EFCC1: variants seen among roughly 807,000 people sequenced by gnomAD.
EFCC1 encodes the protein EF-hand and coiled-coil domain containing 1.
Under a neutral mutation model 52.1 loss-of-function variants are expected in EFCC1, and 50 were observed. The ratio of observed to expected loss-of-function variants is 0.96; its 90% CI spans 0.76 to 1.21. The LOEUF (loss-of-function observed/expected upper bound fraction) is 1.21, where lower values mean the gene tolerates loss of function less well. Among genes scored for constraint, EFCC1 ranks in the 50% most tolerant of loss-of-function variants. The probability of loss-of-function intolerance (pLI) is 0.00; values close to 1 mark genes in which losing one functional copy is unlikely to be tolerated. For synonymous variants in EFCC1, 399 were observed against 396.5 expected (o/e 1.01, Z -0.08); for missense variants, 837 against 867.3 (o/e 0.97, Z 0.44).
chr3:129,039,041 A>G, intron 7 of EFCC1, 141 bp downstream of exon 7: 2 of 783,326 alleles, frequency 2.6e-6, no homozygotes, highest in Non-Finnish European at 4.1e-6. Flanking sequence ...TAGAAAGCTG[A>G]AGGGGCTTTT....
chr3:129,011,893 T>G (rs1363426519), intron 2 of EFCC1, among the ~76,000 whole-genome samples: 2 of 152,116 alleles, frequency 1.3e-5, no homozygotes, highest in Non-Finnish European at 1.5e-5. Context: ...AATAAATGCA[T>G]CCTTCAGAGA....
intron 2 of EFCC1, among the ~76,000 whole-genome samples, chr3:129,008,821 G>A (rs1005984975): frequency 1.5e-4 from 23 of 152,198 alleles, no homozygotes; most frequent in African/African-American, 5.3e-4. Flanking sequence ...GAGGTGCACA[G>A]TCCTCCTAAG....
At chr3:129,039,052 A>C in intron 7 of EFCC1, 152 bp downstream of exon 7, 1 of 727,342 alleles carries the variant, frequency 1.4e-6, no homozygotes, top group Non-Finnish European at 2.3e-6. Context: ...AGGGGCTTTT[A>C]GCAAGAGCAG....
In EFCC1 at chr3:129,039,784, GACA is replaced by G. The variant is rs750633062; in HGVS notation, c.1737_1739del (p.Gln580del). On this transcript the variant is annotated inframe_deletion, in exon 8 of 8. Transcript: ENST00000683648. Reference sequence around the variant, plus strand: ...TTGGCTGCCTGCCAGCTGTTGCGGAGACAGCCCTCGGCACCAGCCTCTGCAGCA... The same window carrying G: ...TTGGCTGCCTGCCAGCTGTTGCGGAGGCCCTCGGCACCAGCCTCTGCAGCA... 8.1e-6 allele frequency: 13 copies of G among 1,612,392 alleles called. No individual in the cohort carries two copies. The South Asian group carries it at 1.4e-4, about 18-fold the overall frequency.
intron 2 of EFCC1, among the ~76,000 whole-genome samples, chr3:129,028,620 CT>C (rs1358542189): frequency 6.6e-6 from 1 of 151,698 alleles, no homozygotes; most frequent in Non-Finnish European, 1.5e-5. Context: ...TATCTCAGGC[CT>C]TTGTTGGCTT....
rs1223287551 is a variant in EFCC1, at chr3:129,001,689, C to G, written c.61C>G (p.Arg21Gly). 2.7e-6 allele frequency: 4 copies of G among 1,487,618 alleles called. No individual in the cohort carries two copies. The African/African-American group carries it at 5.8e-5, about 22-fold the overall frequency. The allele number at this position is 1,487,618 out of a possible 1,614,324, so 92.2% of individuals were successfully genotyped here. The change falls in exon 1 of 8, where the codon CGG (arginine) becomes GGG (glycine). Residue 21 changes from arginine to glycine, a missense_variant. Arg to Gly is a moderately radical substitution (Grantham distance 125). Transcript: ENST00000683648. Reference protein sequence around the residue: ...GMEGAGGDPYRRPARRTQWLL... With the variant: ...GMEGAGGDPYGRPARRTQWLL... ...GGAGGGCGCGGGAGGTGACCCGTAC[C>G]GGCGACCTGCGCGGCGCACGCAGTG...
At chr3:129,033,100 C>T (rs1480663111) in intron 4 of EFCC1, 134 bp downstream of exon 4, 9 of 1,302,936 alleles carry the variant, frequency 6.9e-6, no homozygotes, top group Non-Finnish European at 9.1e-6. Context: ...GTCCCCTTGT[C>T]CCTCAGGGGG....
At chr3:129,018,788 G>A (rs1945700422) in intron 2 of EFCC1, among the ~76,000 whole-genome samples, 1 of 152,188 alleles carries the variant, frequency 6.6e-6, no homozygotes, top group Non-Finnish European at 1.5e-5. Flanking sequence ...ATGTGTTCTT[G>A]CGAAGTGAGT....
chr3:129,028,041 C>T (rs1287533768), intron 2 of EFCC1, among the ~76,000 whole-genome samples: 1 of 150,924 alleles, frequency 6.6e-6, no homozygotes, highest in African/African-American at 2.4e-5. Context: ...AGTTGTCATA[C>T]TATTTAATAA....
chr3:129,027,080 ACTTCCCG>A (rs978589544), intron 2 of EFCC1, among the ~76,000 whole-genome samples: 10 of 152,254 alleles, frequency 6.6e-5, no homozygotes, highest in Non-Finnish European at 1.5e-4. Context: ...CAGAGGCACA[ACTTCCCG>A]CTTCGTCGGT....
intron 2 of EFCC1, among the ~76,000 whole-genome samples, chr3:129,022,200 T>C (rs1275000447): frequency 6.6e-6 from 1 of 152,250 alleles, no homozygotes; most frequent in Non-Finnish European, 1.5e-5. Flanking sequence ...AGAAGGACCA[T>C]GTCATTTCAT....
chr3:129,002,545 A>G (rs1944841878), intron 1 of EFCC1: 2 of 916,358 alleles, frequency 2.2e-6, no homozygotes, highest in Non-Finnish European at 3.0e-6. Context: ...CCATTCCTGA[A>G]AACCCCAATC....
rs896606767 is a variant in EFCC1, at chr3:129,001,828, ACTGCCGCGGCGCCGGCCGT to A, written c.206_224del (p.Arg69ProfsTer34). On this transcript the variant is annotated frameshift_variant, in exon 1 of 8. Transcript: ENST00000683648. LOFTEE classifies it high-confidence loss of function. ...CTGCAGGAGGTCTTCCACCACCTGG[ACTGCCGCGGCGCCGGCCGT>A]CTGCCCCGCGCCGACTTCCGAGCGC... The A allele has an allele frequency of 1.2e-5, 18 of 1,545,548 alleles. No homozygotes were observed. In the African/African-American group the frequency reaches 1.8e-4, roughly 15 times the overall value.
At chr3:129,015,536 G>C (rs944628359) in intron 2 of EFCC1, among the ~76,000 whole-genome samples, 1 of 151,866 alleles carries the variant, frequency 6.6e-6, no homozygotes, top group Admixed American at 6.6e-5. Context: ...CAGCAGCTTG[G>C]GCTGGCAGGG....
At chr3:129,032,312 C>G (rs150447191) in intron 3 of EFCC1, among the ~76,000 whole-genome samples, 3 of 152,212 alleles carry the variant, frequency 2.0e-5, no homozygotes, top group Non-Finnish European at 4.4e-5. Context: ...ATAACACTTA[C>G]CTCTGAGACC....
rs113894261 is a variant in EFCC1, at chr3:129,011,463, A to G, written c.980+7386A>G. Among the ~76,000 whole-genome samples the G allele has an allele frequency of 8.7e-3, 1,321 of 151,860 alleles. 21 individuals carry two copies. Among genetic ancestry groups the G allele is most frequent in the African/African-American group, 0.03 (1,243 of 41,368 alleles). Reference sequence around the variant, plus strand: ...CTACTTGGGAAGCTGAGGCAGGAGAATTGCTTGAACCCAGAAGGTGGAGGT... The same window carrying G: ...CTACTTGGGAAGCTGAGGCAGGAGAGTTGCTTGAACCCAGAAGGTGGAGGT... On this transcript the variant is annotated intron_variant, in intron 2 of 7. Transcript: ENST00000683648.
chr3:129,031,438 C>T (rs2107935581), intron 3 of EFCC1, among the ~76,000 whole-genome samples: 1 of 152,134 alleles, frequency 6.6e-6, no homozygotes, highest in South Asian at 2.1e-4. Context: ...GGGGCCCTGC[C>T]CCCCTAAAGA....
At chr3:129,007,437 A>G (rs1224551210) in intron 2 of EFCC1, among the ~76,000 whole-genome samples, 2 of 152,162 alleles carry the variant, frequency 1.3e-5, no homozygotes, top group Non-Finnish European at 2.9e-5. Flanking sequence ...TGCTCTGCAG[A>G]TGTGTCTTTG....
rs1945150360 is a variant in EFCC1 at position 129,008,023 on chromosome 3, C to T, written c.980+3946C>T. 2.6e-5 allele frequency among the ~76,000 whole-genome samples: 4 copies of T among 152,226 alleles called. No homozygotes were observed. The South Asian group carries it at 8.3e-4, about 31-fold the overall frequency. On this transcript the variant is annotated intron_variant, in intron 2 of 7. Coordinates refer to ENST00000683648, the MANE Select transcript of EFCC1 (RefSeq NM_001377500.1). ...ATTTTGGGCTGTGAGCCGTCTTTGGCAGGGCCATGATCCTTGAGAGTCACA... is the reference window on the plus strand; with the variant it reads ...ATTTTGGGCTGTGAGCCGTCTTTGGTAGGGCCATGATCCTTGAGAGTCACA...
Sources: allele counts gnomAD v4.1 joint callset (sites outside exome capture counted in the v4.1 genomes callset), GRCh38; gene constraint gnomAD v4.1.1; transcripts MANE v1.5; gene names NCBI Gene and HGNC (gene_info 2026-07-23, HGNC 2026-07-21).